Variants in USP34 observed in about 807,000 individuals in gnomAD.
USP34 encodes the protein ubiquitin specific peptidase 34, also known as ubiquitin carboxyl-terminal hydrolase 34.
Under a neutral mutation model 460.3 loss-of-function variants are expected in USP34, and 70 were observed. The ratio of observed to expected loss-of-function variants is 0.15; its 90% confidence interval spans 0.13 to 0.19. The LOEUF (loss-of-function observed/expected upper bound fraction) is 0.19, where lower values mean the gene tolerates loss of function less well. Ranked by LOEUF, USP34 falls within the 10% of genes least tolerant of loss-of-function variation. The pLI is 1.00. For synonymous variants in USP34, 1,647 were observed against 1,405.3 expected (o/e 1.17, Z -3.85); for missense variants, 3,985 against 4,236.2 (o/e 0.94, Z 1.65).
At position 61,370,578 on chromosome 2, in the gene USP34, A is replaced by C. The variant is rs749838421; in HGVS notation, c.1078T>G (p.Ser360Ala). 8.1e-6 allele frequency: 13 copies of C among 1,612,724 alleles called. No homozygotes were observed. The Admixed American group carries it at 1.2e-4, about 15-fold the overall frequency. The change falls in exon 9 of 80, where the codon TCC becomes GCC. Residue 360 changes from serine (S) to alanine (A), a missense_variant and splice_region_variant. Physicochemically the swap from Ser to Ala is moderately conservative, Grantham distance 99. This residue lies in a region of USP34 where 716 missense variants were observed against 626.2 expected (regional missense o/e 1.14). Coordinates refer to ENST00000398571, the MANE Select transcript of USP34 (RefSeq NM_014709.4). ...CAGTCTGCAAGTTCTTTTGCAATGG[A>C]CCTAAAGTCAAGCAATGAAAATAGT... ...NESLVSDTETSIAKELADWLI... is the reference protein window; with the variant it reads ...NESLVSDTETAIAKELADWLI...
chr2:61,347,850 T>C lies in USP34; in HGVS notation c.2285+20A>G. 6.2e-7 allele frequency: 1 copy of C among 1,606,902 alleles called. No individual in the cohort carries two copies. The highest frequency in any genetic ancestry group is 1.3e-5 in the African/African-American group (1 of 74,810). On this transcript the variant is annotated intron_variant, in intron 15 of 79. Transcript: ENST00000398571. ...CCTAAAGGAAATATGAACTGAATAT[T>C]TATTTTGAAGTAGGCTTACCCATCG...
At chr2:61,229,742 AT>A in intron 58 of USP34, 109 bp from the exon 59 acceptor site, 2 of 887,798 alleles carry the variant, frequency 2.3e-6, no homozygotes, top group Non-Finnish European at 3.5e-6. Context: ...TTTGCACAAG[AT>A]TATCTTGGTA....
chr2:61,303,964 C>A (rs568969494), intron 27 of USP34, among the ~76,000 whole-genome samples: 5 of 152,142 alleles, frequency 3.3e-5, no homozygotes, highest in Admixed American at 6.5e-5. Context: ...ATGGCATGAT[C>A]TCGGCTCACT....
chr2:61,349,220 G>T, intron 13 of USP34, 30 bp downstream of exon 13: 1 of 1,604,952 alleles, frequency 6.2e-7, no homozygotes, highest in Non-Finnish European at 8.5e-7. Flanking sequence ...ACTAAGTCAT[G>T]TTGCCATGAA....
intron 1 of USP34, among the ~76,000 whole-genome samples, chr2:61,456,017 C>T (rs1474607021): frequency 1.3e-5 from 2 of 152,144 alleles, no homozygotes; most frequent in South Asian, 4.1e-4. Context: ...ACTCTGGAAC[C>T]TTCCTTAAGA....
chr2:61,263,078 G>T (rs112067903), intron 43 of USP34, among the ~76,000 whole-genome samples: 1 of 151,514 alleles, frequency 6.6e-6, no homozygotes, highest in Non-Finnish European at 1.5e-5. Flanking sequence ...GCACAAACTC[G>T]GCTCACTGCA....
chr2:61,372,353 C>T (rs1252168174), intron 8 of USP34, among the ~76,000 whole-genome samples: 2 of 152,084 alleles, frequency 1.3e-5, no homozygotes, highest in Non-Finnish European at 2.9e-5. Flanking sequence ...AAATTCAACC[C>T]TCTGATTTAC....
intron 15 of USP34, among the ~76,000 whole-genome samples, chr2:61,347,336 G>A (rs1358665317): frequency 1.3e-5 from 2 of 151,996 alleles, no homozygotes; most frequent in African/African-American, 2.4e-5. Flanking sequence ...GATATTATTG[G>A]TTTAACATGA....
At chr2:61,392,795 C>A (rs1467140172) in intron 5 of USP34, among the ~76,000 whole-genome samples, 1 of 152,108 alleles carries the variant, frequency 6.6e-6, no homozygotes, top group African/African-American at 2.4e-5. Flanking sequence ...ATTAAGTAAA[C>A]CCTTTGATAA....
At chr2:61,326,568 T>G (rs1691096702) in intron 20 of USP34, among the ~76,000 whole-genome samples, 1 of 152,182 alleles carries the variant, frequency 6.6e-6, no homozygotes, top group East Asian at 1.9e-4. Context: ...GCAACCCCAG[T>G]GAACTGCATA....
At chr2:61,347,451 G>A (rs1044017999) in intron 15 of USP34, among the ~76,000 whole-genome samples, 1 of 151,934 alleles carries the variant, frequency 6.6e-6, no homozygotes, top group African/African-American at 2.4e-5. Flanking sequence ...TCAGCTCACT[G>A]CAACCTCCAC....
At chr2:61,277,879 G>A (rs1689417909) in intron 41 of USP34, 2 of 314,932 alleles carry the variant, frequency 6.4e-6, no homozygotes, top group Non-Finnish European at 5.9e-6. Flanking sequence ...AGATCTGATG[G>A]TTTTATAAGG....
At chr2:61,287,832 G>C (rs1186976355) in intron 34 of USP34, among the ~76,000 whole-genome samples, 4 of 152,158 alleles carry the variant, frequency 2.6e-5, no homozygotes, top group Admixed American at 6.5e-5. Context: ...ATTTTTGACT[G>C]TATGGAGGGT....
intron 61 of USP34, 109 bp from the exon 62 acceptor site, chr2:61,227,327 A>G (rs1687755726): frequency 3.2e-6 from 4 of 1,238,144 alleles, no homozygotes; most frequent in Non-Finnish European, 4.5e-6. Flanking sequence ...AGCTTGTAAC[A>G]TGAAAAACAA....
intron 41 of USP34, among the ~76,000 whole-genome samples, chr2:61,270,781 T>C (rs1689190244): frequency 6.6e-6 from 1 of 151,936 alleles, no homozygotes; most frequent in African/African-American, 2.4e-5. Flanking sequence ...ACTAAGACAA[T>C]AATGCTTTCA....
chr2:61,462,366 C>G (rs1003344813), intron 1 of USP34, among the ~76,000 whole-genome samples: 3 of 150,912 alleles, frequency 2.0e-5, no homozygotes, highest in Non-Finnish European at 4.4e-5. Context: ...CTGGGCAAAA[C>G]AGTGAAGCCC....
chr2:61,436,271 A>G (rs1573039704), intron 1 of USP34, among the ~76,000 whole-genome samples: 1 of 152,178 alleles, frequency 6.6e-6, no homozygotes, highest in Admixed American at 6.6e-5. Context: ...AAGAGGTTGC[A>G]GTGAGTCAAG....
At chr2:61,363,430 C>T (rs915966178) in intron 10 of USP34, among the ~76,000 whole-genome samples, 4 of 152,116 alleles carry the variant, frequency 2.6e-5, no homozygotes, top group African/African-American at 7.2e-5. Flanking sequence ...TCAGAGCATA[C>T]TTATACAAAA....
intron 67 of USP34, among the ~76,000 whole-genome samples, chr2:61,219,632 C>CT (rs1687500759): frequency 6.7e-6 from 1 of 149,422 alleles, no homozygotes; most frequent in Non-Finnish European, 1.5e-5. Context: ...GACTGCACCA[C>CT]TGCACTCCAG....
Sources: allele counts gnomAD v4.1 joint callset (sites outside exome capture counted in the v4.1 genomes callset), GRCh38; gene constraint gnomAD v4.1.1; regional missense constraint gnomAD v4.1.1; transcripts MANE v1.5; gene names NCBI Gene and HGNC (gene_info 2026-07-23, HGNC 2026-07-21).